The following THSD7B variants were observed in gnomAD, a reference collection of about 807,000 sequenced individuals.
The protein encoded by THSD7B is thrombospondin type-1 domain-containing protein 7B.
THSD7B carries 138 observed loss-of-function variants against 213.6 expected under a neutral mutation model. The observed-to-expected ratio is 0.65, with a 90% CI of 0.56 to 0.74. The LOEUF (loss-of-function observed/expected upper bound fraction) is 0.74. Ranked by LOEUF, THSD7B falls within the 30% of genes least tolerant of loss-of-function variation. The pLI is 0.00. For missense variants in THSD7B, 1,931 were observed against 1,991.5 expected (o/e 0.97, Z 0.58); for synonymous variants, 742 against 687.0 (o/e 1.08, Z -1.25).
At chr2:136,873,021 T>TTAAAAAAAAA (rs70975722) in intron 1 of THSD7B, among the ~76,000 whole-genome samples, 1 of 43,504 alleles carries the variant, frequency 2.3e-5, no homozygotes, top group Non-Finnish European at 4.0e-5. Context: ...AGACTCCATC[T>TTAAAAAAAAA]AAAAAAAAAA....
At chr2:137,452,312 AC>A (rs1687667954) in intron 15 of THSD7B, among the ~76,000 whole-genome samples, 1 of 152,078 alleles carries the variant, frequency 6.6e-6, no homozygotes, top group African/African-American at 2.4e-5. Context: ...TGGAAAAAAA[AC>A]CTCAAGATTT....
intron 14 of THSD7B, among the ~76,000 whole-genome samples, chr2:137,441,936 A>G (rs1418502825): frequency 5.3e-5 from 8 of 152,132 alleles, no homozygotes; most frequent in Admixed American, 3.9e-4. Context: ...CTACTCTGCT[A>G]TATAGCTTTT....
At chr2:137,581,766 A>T (rs528475227) in intron 17 of THSD7B, among the ~76,000 whole-genome samples, 86 of 141,602 alleles carry the variant, frequency 6.1e-4, no homozygotes, top group South Asian at 4.9e-3. Flanking sequence ...TCTCAAAAAA[A>T]AAAATAAAAA....
At chr2:136,873,074 T>C (rs1683466690) in intron 1 of THSD7B, among the ~76,000 whole-genome samples, 1 of 149,930 alleles carries the variant, frequency 6.7e-6, no homozygotes, top group South Asian at 2.1e-4. Context: ...GCAATGTTTG[T>C]CACAGATACC....
chr2:137,039,973 T>C (rs113298815), intron 2 of THSD7B, among the ~76,000 whole-genome samples: 1,831 of 152,300 alleles, frequency 0.012, 39 homozygotes, highest in African/African-American at 0.042. Context: ...TGTAGCTGAC[T>C]GCTTCTATGG....
chr2:137,357,237 TA>T (rs1685153346), intron 12 of THSD7B, among the ~76,000 whole-genome samples: 1 of 152,190 alleles, frequency 6.6e-6, no homozygotes, highest in African/African-American at 2.4e-5. Flanking sequence ...TACTTACAAT[TA>T]AACATCTTCA....
chr2:136,788,353 A>C (rs1186353874), intron 1 of THSD7B, among the ~76,000 whole-genome samples: 1 of 152,206 alleles, frequency 6.6e-6, no homozygotes, highest in Non-Finnish European at 1.5e-5. Context: ...CAATTAACTG[A>C]AAGTGTGCTG....
chr2:137,101,980 G>T (rs533501185), intron 4 of THSD7B, among the ~76,000 whole-genome samples: 1 of 152,194 alleles, frequency 6.6e-6, no homozygotes. Context: ...AGACTTAAAC[G>T]TTCCTGCCTG....
chr2:136,772,387 A>G (rs1573631424), intron 1 of THSD7B, among the ~76,000 whole-genome samples: 1 of 152,116 alleles, frequency 6.6e-6, no homozygotes, highest in Admixed American at 6.6e-5. Flanking sequence ...GATTTTGCAC[A>G]GACCTTGTGC....
Position 137,056,946 on chromosome 2 carries a change from G to A in THSD7B, c.666G>A (p.Glu222=). ...GTTTGCAATGTCCAAATCTGACTGA[G>A]TCAAGAGCCTGTGATGCTCCCATTT... ...FGGLQCPNLT[E]SRACDAPISC... is the part of the protein sequence containing the mutation. Residue 222 remains glutamate, a synonymous_variant, in exon 3 of 28, where the codon GAG becomes GAA. Transcript: ENST00000409968. 1 of 1,613,922 alleles carries A rather than the reference G, an allele frequency of 6.2e-7. No homozygotes were observed. The highest frequency in any genetic ancestry group is 8.5e-7 in the Non-Finnish European group (1 of 1,179,862).
intron 2 of THSD7B, among the ~76,000 whole-genome samples, chr2:136,985,044 C>T (rs574345996): frequency 2.6e-5 from 4 of 152,110 alleles, no homozygotes; most frequent in South Asian, 4.2e-4. Flanking sequence ...GTGACATGCC[C>T]GCATCTAACA....
rs915297811 is a variant in THSD7B at position 137,497,195 on chromosome 2, T to C, written c.3138+46172T>C. On this transcript the variant is annotated intron_variant, in intron 15 of 27. Coordinates refer to ENST00000409968, the MANE Select transcript of THSD7B (RefSeq NM_001316349.2). ...TCTACATAGACACACATACAACACA[T>C]ACACAACACACACACAGACACACAC... is the stretch of plus-strand genomic sequence containing the variant. Among the ~76,000 whole-genome samples, 31 of 119,600 alleles carry C rather than the reference T, an allele frequency of 2.6e-4. No homozygotes were observed. In the East Asian group the frequency reaches 7.5e-3, roughly 29 times the overall value. 78.5% of individuals were successfully genotyped at this position (119,600 alleles called of 152,430 possible).
chr2:136,820,471 T>C (rs1682549743), intron 1 of THSD7B, among the ~76,000 whole-genome samples: 1 of 152,178 alleles, frequency 6.6e-6, no homozygotes, highest in Admixed American at 6.5e-5. Context: ...AACATGAGAA[T>C]ACATCAGATA....
At chr2:137,263,579 G>A (rs1326534466) in intron 10 of THSD7B, among the ~76,000 whole-genome samples, 2 of 152,076 alleles carry the variant, frequency 1.3e-5, no homozygotes, top group Non-Finnish European at 2.9e-5. Flanking sequence ...TTTTCAGGCA[G>A]TATTTCAAAA....
chr2:136,844,697 A>G (rs891225802), intron 1 of THSD7B, among the ~76,000 whole-genome samples: 7 of 152,212 alleles, frequency 4.6e-5, no homozygotes, highest in Non-Finnish European at 7.3e-5. Context: ...TCAGGAAGGA[A>G]GCAGCAGTGT....
intron 10 of THSD7B, among the ~76,000 whole-genome samples, chr2:137,256,881 T>A (rs1488174042): frequency 6.6e-6 from 1 of 152,164 alleles, no homozygotes; most frequent in Non-Finnish European, 1.5e-5. Flanking sequence ...ACTGGGTAAC[T>A]TATAAAGAAA....
chr2:137,253,608 A>C (rs1469454772), intron 10 of THSD7B, among the ~76,000 whole-genome samples: 1 of 152,054 alleles, frequency 6.6e-6, no homozygotes, highest in East Asian at 1.9e-4. Flanking sequence ...TATGATTCTT[A>C]TTTGTCGATA....
At chr2:136,850,453 A>G (rs924335796) in intron 1 of THSD7B, among the ~76,000 whole-genome samples, 1 of 152,090 alleles carries the variant, frequency 6.6e-6, no homozygotes, top group African/African-American at 2.4e-5. Context: ...TAAAGAAAAT[A>G]TACATCTTCA....
intron 15 of THSD7B, among the ~76,000 whole-genome samples, chr2:137,490,504 A>G (rs1688580686): frequency 6.6e-6 from 1 of 152,174 alleles, no homozygotes; most frequent in Non-Finnish European, 1.5e-5. Context: ...AGCAGAAGGT[A>G]CAGAGATTTC....
Sources: allele counts gnomAD v4.1 joint callset (sites outside exome capture counted in the v4.1 genomes callset), GRCh38; gene constraint gnomAD v4.1.1; transcripts MANE v1.5; gene names NCBI Gene and HGNC (gene_info 2026-07-23, HGNC 2026-07-21).